The following SPTB variants were observed in gnomAD, a reference collection of about 807,000 sequenced individuals.
The protein encoded by SPTB is spectrin beta, erythrocytic.
Under a neutral mutation model 256.2 loss-of-function variants are expected in SPTB, and 45 were observed. The ratio of observed to expected loss-of-function variants is 0.18; its 90% CI spans 0.14 to 0.23. The LOEUF is 0.23. Among genes scored for constraint, SPTB ranks in the 10% least tolerant of loss-of-function variants. The pLI is 1.00. For missense variants in SPTB, 2,715 were observed against 3,040.4 expected (o/e 0.89, Z 2.52); for synonymous variants, 1,231 against 1,243.1 (o/e 0.99, Z 0.21).
intron 9 of SPTB, 128 bp from the exon 10 acceptor site, chr14:64,797,974 G>C: frequency 6.5e-6 from 5 of 770,444 alleles, no homozygotes; most frequent in Non-Finnish European, 1.2e-5. Context: ...TAAAAACACA[G>C]AAAAACTAAA....
At chr14:64,814,871 G>A (rs1308372022) in intron 2 of SPTB, among the ~76,000 whole-genome samples, 1 of 152,204 alleles carries the variant, frequency 6.6e-6, no homozygotes, top group East Asian at 1.9e-4. Context: ...AGTTATTGTA[G>A]ACCAGTTTAA....
At chr14:64,842,656 T>C (rs984180071) in intron 1 of SPTB, among the ~76,000 whole-genome samples, 41 of 152,202 alleles carry the variant, frequency 2.7e-4, no homozygotes, top group South Asian at 6.2e-4. Context: ...ATCTGTGTGG[T>C]CTACAAACAT....
At position 64,781,291 on chromosome 14, in the gene SPTB, T is replaced by G. The variant is rs536552288; in HGVS notation, c.4266+999A>C. On this transcript the variant is annotated intron_variant, in intron 20 of 35. Coordinates refer to ENST00000644917, the MANE Select transcript of SPTB (RefSeq NM_001355436.2). ...CTATCAACAGAGTAAACAGACAGCC[T>G]GCAAAATGAGAAAATATTTGCAAAC... 1.1e-3 allele frequency among the ~76,000 whole-genome samples: 161 copies of G among 152,292 alleles called. 1 individual carries two copies. The highest frequency in any genetic ancestry group is 3.5e-3 in the African/African-American group (147 of 41,576).
chr14:64,860,429 C>T, intron 1 of SPTB, among the ~76,000 whole-genome samples: 1 of 152,092 alleles, frequency 6.6e-6, no homozygotes, highest in East Asian at 1.9e-4. Context: ...CCAAGAGAAA[C>T]AGGACCTGAG....
intron 22 of SPTB, among the ~76,000 whole-genome samples, chr14:64,776,020 C>G (rs951935678): frequency 6.6e-6 from 1 of 152,174 alleles, no homozygotes; most frequent in Non-Finnish European, 1.5e-5. Flanking sequence ...TGAACACAGC[C>G]TCTTCCTCCC....
intron 32 of SPTB, among the ~76,000 whole-genome samples, chr14:64,763,398 A>T (rs2082121403): frequency 6.6e-6 from 1 of 152,238 alleles, no homozygotes; most frequent in African/African-American, 2.4e-5. Flanking sequence ...CAAACACCCC[A>T]GCCCTTTACT....
rs370441240 is a variant in SPTB, at chr14:64,772,651, C to G, written c.5482G>C (p.Ala1828Pro). The G allele has an allele frequency of 6.2e-7, 1 of 1,613,092 alleles. No individual in the cohort carries two copies. The highest frequency in any genetic ancestry group is 1.3e-5 in the African/African-American group (1 of 74,934). The change falls in exon 26 of 36, where the codon GCC becomes CCC. Residue 1828 changes from alanine to proline, a missense_variant. Physicochemically the swap from Ala to Pro is conservative, Grantham distance 27. Coordinates refer to ENST00000644917, the MANE Select transcript of SPTB (RefSeq NM_001355436.2). This position sits in a 1 kb window ranked among gnomAD's most constrained non-coding sequence, Gnocchi z 5.4. ...RELPEDVGLD[A>P]STAESFHRVH... The stretch of plus-strand genomic sequence containing the variant: ...CGGTGGAAGGACTCGGCCGTGCTGG[C>G]GTCCAGCCCCACGTCCTCGGGCAGC...
rs112653810 is a variant in SPTB, at chr14:64,786,893, C to T, written c.3072G>A (p.Ser1024=). ...CAATATCCTCCTTCTGCTCAGGGTGCGAGTCCATCAGCTGCTGGGACTCAC... is the reference window on the plus strand; with the variant it reads ...CAATATCCTCCTTCTGCTCAGGGTGTGAGTCCATCAGCTGCTGGGACTCAC... The part of the protein sequence containing the change: ...LERESQQLMD[S]HPEQKEDIGQ... Residue 1024 remains serine (S), a synonymous_variant, in exon 16 of 36, where the codon TCG becomes TCA. Transcript: ENST00000644917. This position sits in a 1 kb window ranked among gnomAD's most constrained non-coding sequence, Gnocchi z 5.6. 36 of 1,612,748 alleles carry T rather than the reference C, an allele frequency of 2.2e-5. No homozygotes were observed. Among genetic ancestry groups the T allele is most frequent in the African/African-American group, 1.7e-4 (13 of 75,048 alleles).
At chr14:64,837,744 G>A (rs2083547093) in intron 1 of SPTB, among the ~76,000 whole-genome samples, 1 of 152,086 alleles carries the variant, frequency 6.6e-6, no homozygotes. Flanking sequence ...AGAATTACAG[G>A]TGTCTGTCAC....
At chr14:64,788,657 T>G (rs999003738) in intron 15 of SPTB, among the ~76,000 whole-genome samples, 1 of 152,172 alleles carries the variant, frequency 6.6e-6, no homozygotes. Context: ...AGAGGCCCCA[T>G]AGTGATTTTC....
At position 64,794,282 on chromosome 14, in the gene SPTB, C is replaced by T. The variant is rs557119422; in HGVS notation, c.1795+185G>A. On this transcript the variant is annotated intron_variant, in intron 13 of 35. Coordinates refer to ENST00000644917, the MANE Select transcript of SPTB (RefSeq NM_001355436.2). ...TGCCTCCTTGGTGATTATAGGTTAC[C>T]GAAGCAGTTGCCTGCTCTCTAGAGA... Among the ~76,000 whole-genome samples, 19 of 152,238 alleles carry T rather than the reference C, an allele frequency of 1.2e-4. No homozygotes were observed. In the East Asian group the frequency reaches 1.3e-3, roughly 11 times the overall value.
chr14:64,863,034 C>T (rs552462871), intron 1 of SPTB, among the ~76,000 whole-genome samples: 3 of 152,292 alleles, frequency 2.0e-5, no homozygotes, highest in Non-Finnish European at 2.9e-5. Flanking sequence ...CTCTTGAATT[C>T]ACCACCTCCC....
intron 1 of SPTB, among the ~76,000 whole-genome samples, chr14:64,848,317 C>A (rs1488165934): frequency 6.6e-6 from 1 of 152,112 alleles, no homozygotes; most frequent in Admixed American, 6.6e-5. Flanking sequence ...CATTAATTTT[C>A]TTTGTTCTCG....
At chr14:64,831,978 A>C (rs2083459130) in intron 1 of SPTB, among the ~76,000 whole-genome samples, 1 of 152,218 alleles carries the variant, frequency 6.6e-6, no homozygotes, top group Admixed American at 6.5e-5. Flanking sequence ...TTTTAGGTGG[A>C]GTGAAGGGAA....
chr14:64,797,762 G>C lies in SPTB; in HGVS notation c.1149C>G (p.Pro383=). 5.0e-6 allele frequency: 8 copies of C among 1,613,918 alleles called. No individual in the cohort carries two copies. Among genetic ancestry groups the C allele is most frequent in the Non-Finnish European group, 6.8e-6 (8 of 1,179,826 alleles). ...TGTCAGACACTAGTTTCCCATCGTG[G>C]GGTGTGTACACTTTCTGATTGTTGG... ...MRANNQKVYT[P]HDGKLVSDIN... Residue 383 remains proline (P), a synonymous_variant, in exon 10 of 36, where the codon CCC becomes CCG. Coordinates refer to ENST00000644917, the MANE Select transcript of SPTB (RefSeq NM_001355436.2).
intron 1 of SPTB, among the ~76,000 whole-genome samples, chr14:64,864,822 A>C (rs1233140135): frequency 6.6e-6 from 1 of 152,208 alleles, no homozygotes; most frequent in African/African-American, 2.4e-5. Flanking sequence ...AAGTTATAGA[A>C]GATGAAGAAG....
rs138619776 is a variant in SPTB at position 64,775,667 on chromosome 14, C to T, written c.4564-264G>A. 2.3e-3 allele frequency among the ~76,000 whole-genome samples: 350 copies of T among 152,332 alleles called. 2 individuals are homozygous for T. The highest frequency in any genetic ancestry group is 7.7e-3 in the African/African-American group (322 of 41,582). ...CAGTGAAGTCACTCAGTGGCAGAGC[C>T]GGAGTTGAACACAGCTCCACCTGAC... On this transcript the variant is annotated intron_variant, in intron 22 of 35. Transcript: ENST00000644917. This position sits in a 1 kb window ranked among gnomAD's most constrained non-coding sequence, Gnocchi z 5.0.
At position 64,823,889 on chromosome 14, in the gene SPTB, G is replaced by A. The variant is rs1469251206; in HGVS notation, c.-51-744C>T. Reference sequence around the variant, plus strand: ...AGCCTGCTGTCCCATCAAGCACGTGGCAGTCGGGGCATCCCATGGACAATG... The same window carrying A: ...AGCCTGCTGTCCCATCAAGCACGTGACAGTCGGGGCATCCCATGGACAATG... On this transcript the variant is annotated intron_variant, in intron 1 of 35. Coordinates refer to ENST00000644917, the MANE Select transcript of SPTB (RefSeq NM_001355436.2). This position sits in a 1 kb window ranked among gnomAD's most constrained non-coding sequence, Gnocchi z 6.5. Among the ~76,000 whole-genome samples the A allele has an allele frequency of 1.3e-5, 2 of 152,356 alleles. No individual in the cohort carries two copies. The highest frequency in any genetic ancestry group is 3.9e-4 in the East Asian group (2 of 5,190).
At chr14:64,830,886 T>A (rs1347923056) in intron 1 of SPTB, among the ~76,000 whole-genome samples, 1 of 152,188 alleles carries the variant, frequency 6.6e-6, no homozygotes, top group Non-Finnish European at 1.5e-5. Flanking sequence ...CCTTGACAAC[T>A]TTATTTATGT....
Sources: gnomAD v4.1 joint callset for allele counts (sites outside exome capture counted in the v4.1 genomes callset) on GRCh38, gnomAD v4.1.1 for gene constraint, Gnocchi (gnomAD v3.1) non-coding constraint, MANE v1.5 for transcripts, NCBI Gene and HGNC (gene_info 2026-07-23, HGNC 2026-07-21) for gene names.